CFAP74: variants seen among roughly 807,000 people sequenced by gnomAD.
The protein encoded by CFAP74 is cilia- and flagella-associated protein 74.
Under a neutral mutation model 188.9 loss-of-function variants are expected in CFAP74, and 124 were observed. That is an observed-to-expected ratio of 0.66 (90% CI 0.57 to 0.76). The LOEUF is 0.76. CFAP74 is among the 30% of genes least tolerant of loss of function. CFAP74 has a pLI of 0.00. For synonymous variants in CFAP74, 956 were observed against 916.7 expected (o/e 1.04, Z -0.77); for missense variants, 2,198 against 2,165.2 (o/e 1.02, Z -0.30).
rs973630703 is a variant in CFAP74 at position 1,955,599 on chromosome 1, C to T, written c.2176+92G>A. Reference sequence around the variant, plus strand: ...AGGCCTAGGAAAATTCTCTACTTTCCAGCCCTCCCCTGGGCCCCTCAGCCC... The same window carrying T: ...AGGCCTAGGAAAATTCTCTACTTTCTAGCCCTCCCCTGGGCCCCTCAGCCC... On this transcript the variant is annotated intron_variant, in intron 18 of 38. Transcript: ENST00000682832. 2.5e-6 allele frequency: 4 copies of T among 1,611,862 alleles called. No homozygotes were observed. In the Admixed American group the frequency reaches 5.0e-5, roughly 20 times the overall value.
rs117284244 is a variant in CFAP74 at position 1,997,042 on chromosome 1, C to T, written c.-19-6067G>A. Among the ~76,000 whole-genome samples, 323 of 152,184 alleles carry T rather than the reference C, an allele frequency of 2.1e-3. 5 individuals are homozygous for T. The highest frequency in any genetic ancestry group is 0.017 in the East Asian group (89 of 5,184). On this transcript the variant is annotated intron_variant, in intron 1 of 38. Transcript: ENST00000682832. The stretch of plus-strand genomic sequence containing the variant: ...CACACTTAAACATTAAAAACATTCC[C>T]TTAAGACCGAGAACAAAACAGGGAC...
rs769376967 is a variant in CFAP74, at chr1:1,973,116, C to T, written c.675-69G>A. 91 of 1,153,078 alleles carry T rather than the reference C, an allele frequency of 7.9e-5. No homozygotes were observed. The highest frequency in any genetic ancestry group is 9.5e-5 in the Non-Finnish European group (75 of 789,964). The allele number at this position is 1,153,078 out of a possible 1,614,324, so 71.4% of individuals were successfully genotyped here. A position where few individuals can be genotyped will look rare whatever the true frequency, so the allele number is the denominator to read the frequency against. On this transcript the variant is annotated intron_variant, in intron 7 of 38. Transcript: ENST00000682832. The surrounding 1 kb of genome is among the most constrained non-coding windows in gnomAD (Gnocchi z 6.2). ...GTCCCATCTGCCCCCAAGCCCTGCA[C>T]GGCTGGAGCTCGTGTCCCAGAGACG... is the stretch of plus-strand genomic sequence containing the variant.
rs200223723 is a variant in CFAP74, at chr1:1,965,027, C to T, written c.1436G>A (p.Gly479Asp). Residue 479 changes from glycine to aspartate, a missense_variant, in exon 13 of 39, where the codon GGC (glycine) becomes GAC (aspartate). Coordinates refer to ENST00000682832, the MANE Select transcript of CFAP74 (RefSeq NM_001304360.2). ...GATGTCCTTGTCCATCTTTGTCCCGCCCACGGGCTTTCGGTCCACGTCCTC... is the reference window on the plus strand; with the variant it reads ...GATGTCCTTGTCCATCTTTGTCCCGTCCACGGGCTTTCGGTCCACGTCCTC... ...PKEDVDRKPV[G>D]GTKMDKDILE... 144 of 1,613,616 alleles carry T rather than the reference C, an allele frequency of 8.9e-5. No individual in the cohort carries two copies. Among genetic ancestry groups the T allele is most frequent in the Non-Finnish European group, 9.5e-5 (112 of 1,179,826 alleles).
chr1:1,945,151 A>T (rs956364977), intron 20 of CFAP74, among the ~76,000 whole-genome samples: 5 of 151,904 alleles, frequency 3.3e-5, no homozygotes, highest in Non-Finnish European at 5.9e-5. Flanking sequence ...TACAAAAAAT[A>T]CAAAACTTAG....
chr1:1,948,973 C>T (rs370644360), intron 18 of CFAP74, among the ~76,000 whole-genome samples: 28 of 11,408 alleles, frequency 2.5e-3, no homozygotes, highest in African/African-American at 4.3e-3. Context: ...TTCCTTCCTC[C>T]TTCCCTCCCT....
At position 1,974,096 on chromosome 1, in the gene CFAP74, GC is replaced by G. The variant is rs750267284; in HGVS notation, c.602del (p.Arg201ProfsTer22). On this transcript the variant is annotated frameshift_variant, in exon 7 of 39. Transcript: ENST00000682832. LOFTEE classifies it high-confidence loss of function. ...VEATGRRLQV[R>X]AAEQLCREQE... ...GCTCTCTGCAGAGCTGCTCGGCTGC[GC>G]GCACCTGGAGCCGCCGCCCCGTGGC... 1 of 1,612,350 alleles carries G rather than the reference GC, an allele frequency of 6.2e-7. No homozygotes were observed. The highest frequency in any genetic ancestry group is 8.5e-7 in the Non-Finnish European group (1 of 1,179,178).
intron 1 of CFAP74, among the ~76,000 whole-genome samples, chr1:1,997,064 G>T (rs1014766008): frequency 3.3e-5 from 5 of 152,034 alleles, no homozygotes; most frequent in African/African-American, 1.2e-4. Context: ...AACAAAACAG[G>T]GACGCTCTCT....
At position 1,955,697 on chromosome 1, in the gene CFAP74, G is replaced by GCTGCTCCTCCTC; in HGVS notation, c.2158_2169dup (p.Glu720_Gln723dup). The GCTGCTCCTCCTC allele has an allele frequency of 6.2e-7, 1 of 1,612,896 alleles. No homozygotes were observed. Among genetic ancestry groups the GCTGCTCCTCCTC allele is most frequent in the South Asian group, 1.1e-5 (1 of 91,068 alleles). The stretch of plus-strand genomic sequence containing the variant: ...GCCTGGCAGCCTGGCTCACCTGCGG[G>GCTGCTCCTCCTC]CTGCTCCTCCTCCTGCTCCTTGTCC... On this transcript the variant is annotated inframe_insertion, in exon 18 of 39. Coordinates refer to ENST00000682832, the MANE Select transcript of CFAP74 (RefSeq NM_001304360.2).
At chr1:1,991,292 G>A (rs1256839339) in intron 1 of CFAP74, among the ~76,000 whole-genome samples, 3 of 152,146 alleles carry the variant, frequency 2.0e-5, no homozygotes, top group Non-Finnish European at 2.9e-5. Flanking sequence ...CCTGGCCAAC[G>A]TGGTGAGGCT....
chr1:1,932,407 A>G (rs959713497), intron 25 of CFAP74, among the ~76,000 whole-genome samples: 5 of 151,628 alleles, frequency 3.3e-5, no homozygotes, highest in Non-Finnish European at 4.4e-5. Flanking sequence ...AAAAAAAAAA[A>G]AAAAGAAAAG....
intron 1 of CFAP74, among the ~76,000 whole-genome samples, chr1:1,996,980 A>G (rs1026135140): frequency 2.1e-4 from 32 of 151,814 alleles, no homozygotes; most frequent in African/African-American, 7.7e-4. Context: ...GTAATGTGAT[A>G]GAGTATATAT....
At chr1:1,940,434 T>C in intron 22 of CFAP74, 31 bp from the exon 23 acceptor site, 3 of 1,424,908 alleles carry the variant, frequency 2.1e-6, no homozygotes, top group Non-Finnish European at 2.8e-6. Flanking sequence ...GAATGTGCTT[T>C]CCTCTTTCCA....
chr1:1,971,349 AC>A (rs1244449010), intron 9 of CFAP74, among the ~76,000 whole-genome samples: 3 of 151,464 alleles, frequency 2.0e-5, no homozygotes, highest in Admixed American at 2.0e-4. Flanking sequence ...ACGTGCACAC[AC>A]ATGCACACCT....
rs146302745 is a variant in CFAP74 at position 1,976,107 on chromosome 1, G to A, written c.501-1909C>T. 4.7e-4 allele frequency among the ~76,000 whole-genome samples: 72 copies of A among 152,352 alleles called. No homozygotes were observed. The East Asian group carries it at 0.013, about 29-fold the overall frequency. On this transcript the variant is annotated intron_variant, in intron 6 of 38. Transcript: ENST00000682832. Reference sequence around the variant, plus strand: ...CAGAGGGACAGAAAGGCTCCCTCAAGCCCTTTTACGAGGCACTAATCGCCC... The same window carrying A: ...CAGAGGGACAGAAAGGCTCCCTCAAACCCTTTTACGAGGCACTAATCGCCC...
At position 1,940,295 on chromosome 1, in the gene CFAP74, G is replaced by A. The variant is rs752186865; in HGVS notation, c.2703+21C>T. ...CTACCCAGGAGCGCCCAGCATCCCT[G>A]GGAAGTGCCCCAACACAGACCTGGT... On this transcript the variant is annotated intron_variant, in intron 23 of 38. Transcript: ENST00000682832. 5 of 1,527,240 alleles carry A rather than the reference G, an allele frequency of 3.3e-6. No homozygotes were observed. In the East Asian group the frequency reaches 1.2e-4, roughly 37 times the overall value. 94.6% of individuals were successfully genotyped at this position (1,527,240 alleles called of 1,614,324 possible). A position where few individuals can be genotyped will look rare whatever the true frequency, so the allele number is the denominator to read the frequency against.
chr1:1,960,823 T>C (rs1158628930), intron 14 of CFAP74, among the ~76,000 whole-genome samples: 1 of 151,670 alleles, frequency 6.6e-6, no homozygotes, highest in Non-Finnish European at 1.5e-5. Context: ...TCCGAGAGGG[T>C]GGACGTGCGT....
intron 18 of CFAP74, chr1:1,954,904 A>G: frequency 8.6e-7 from 1 of 1,159,002 alleles, no homozygotes; most frequent in Non-Finnish European, 1.1e-6. Flanking sequence ...GGCAGTGCAG[A>G]ACGGCCTTCG....
chr1:1,955,150 C>T (rs1654493815), intron 18 of CFAP74: 1 of 1,285,558 alleles, frequency 7.8e-7, no homozygotes, highest in Non-Finnish European at 1.0e-6. Flanking sequence ...ACGCGCACCA[C>T]GCGAAGACAG....
intron 25 of CFAP74, among the ~76,000 whole-genome samples, chr1:1,934,369 TAC>T (rs1179149612): frequency 3.4e-4 from 48 of 140,602 alleles, no homozygotes; most frequent in East Asian, 8.5e-4. Flanking sequence ...AGGTTGTAGG[TAC>T]ACACATGTGT....
Sources: gnomAD v4.1 joint callset for allele counts (sites outside exome capture counted in the v4.1 genomes callset) on GRCh38, gnomAD v4.1.1 for gene constraint, Gnocchi (gnomAD v3.1) non-coding constraint, MANE v1.5 for transcripts, NCBI Gene and HGNC (gene_info 2026-07-23, HGNC 2026-07-21) for gene names.